Variants in SLITRK4 observed in about 807,000 individuals in gnomAD.
The protein encoded by SLITRK4 is SLIT and NTRK like family member 4, also known as SLIT and NTRK-like protein 4.
A neutral mutation model predicts 34.7 loss-of-function variants in SLITRK4; 7 were observed. The observed-to-expected ratio is 0.20, with a 90% CI of 0.11 to 0.38. The LOEUF is 0.38. Among genes scored for constraint, SLITRK4 ranks in the 10% least tolerant of loss-of-function variants. The probability of loss-of-function intolerance (pLI) is 1.00; values close to 1 mark genes in which losing one functional copy is unlikely to be tolerated. For missense variants in SLITRK4, 474 were observed against 607.0 expected (o/e 0.78, Z 2.30); for synonymous variants, 237 against 246.2 (o/e 0.96, Z 0.35).
rs1436041699 is a variant in SLITRK4 at position 143,626,690 on chromosome X, A to G, written c.*1905T>C. 2 of 108,666 alleles carry G rather than the reference A, an allele frequency of 1.8e-5. No homozygotes were observed. The highest frequency in any genetic ancestry group is 3.8e-5 in the Non-Finnish European group (2 of 52,283). The allele number at this position is 108,666 out of a possible 1,213,427, so 9.0% of individuals were successfully genotyped here. A position where few individuals can be genotyped will look rare whatever the true frequency, so the allele number is the denominator to read the frequency against. ...GAAGCTGCAACAGAAAAAATATGCC[A>G]CTTGCAATCATGAGGAATGGCTATG... On this transcript the variant is annotated 3_prime_UTR_variant, in exon 2 of 2. Coordinates refer to ENST00000356928, the MANE Select transcript of SLITRK4 (RefSeq NM_001184749.3).
rs1930714465 is a variant in SLITRK4, at chrX:143,624,219, A to C, written c.*4376T>G. On this transcript the variant is annotated 3_prime_UTR_variant, in exon 2 of 2. Coordinates refer to ENST00000356928, the MANE Select transcript of SLITRK4 (RefSeq NM_001184749.3). ...TAGTTCATTTTCCACAACAGTAATA[A>C]TTTGGGTAAAGTCATGGATTGATAA... 8.9e-6 allele frequency: 1 copy of C among 111,793 alleles called. No homozygotes were observed. Among genetic ancestry groups the C allele is most frequent in the African/African-American group, 3.2e-5 (1 of 30,889 alleles). The allele number at this position is 111,793 out of a possible 1,213,427, so 9.2% of individuals were successfully genotyped here.
chrX:143,631,083 A>G lies in SLITRK4; in HGVS notation c.26T>C (p.Leu9Ser). 8.5e-7 allele frequency: 1 copy of G among 1,176,914 alleles called. No homozygotes were observed. Among genetic ancestry groups the G allele is most frequent in the Non-Finnish European group, 1.1e-6 (1 of 880,131 alleles). MFLWLFLI[L>S]SALISSTNAD... is the part of the protein sequence containing the mutation. ...ATTTGTCGAAGAAATCAGGGCTGAC[A>G]AAATCAGAAACAGCCACAGAAACAT... Residue 9 changes from leucine to serine, a missense_variant, in exon 2 of 2, where the codon TTG becomes TCG. Physicochemically the swap from Leu to Ser is moderately radical, Grantham distance 145 (BLOSUM62 -2). Coordinates refer to ENST00000356928, the MANE Select transcript of SLITRK4 (RefSeq NM_001184749.3).
At position 143,630,593 on chromosome X, in the gene SLITRK4, A is replaced by G. The variant is rs782001836; in HGVS notation, c.516T>C (p.Asp172=). ...LNDNLISFLP[D]NIFRFASLTH... is the part of the protein sequence containing the mutation. ...TCAAAGATGCGAATCGGAAAATATT[A>G]TCAGGAAGGAATGAAATCAGATTGT... The change falls in exon 2 of 2, where the codon GAT becomes GAC. Residue 172 remains aspartate, a synonymous_variant. Transcript: ENST00000356928. 2.1e-5 allele frequency: 25 copies of G among 1,209,940 alleles called. No individual in the cohort carries two copies. The highest frequency in any genetic ancestry group is 2.3e-4 in the Middle Eastern group (1 of 4,353).
chrX:143,628,332 C>G lies in SLITRK4; in HGVS notation c.*263G>C. 1 of 316,795 alleles carries G rather than the reference C, an allele frequency of 3.2e-6. No homozygotes were observed. Among genetic ancestry groups the G allele is most frequent in the Admixed American group, 5.5e-5 (1 of 18,230 alleles). The allele number at this position is 316,795 out of a possible 1,213,427, so 26.1% of individuals were successfully genotyped here. A position where few individuals can be genotyped will look rare whatever the true frequency, so the allele number is the denominator to read the frequency against. On this transcript the variant is annotated 3_prime_UTR_variant, in exon 2 of 2. Coordinates refer to ENST00000356928, the MANE Select transcript of SLITRK4 (RefSeq NM_001184749.3). The stretch of plus-strand genomic sequence containing the variant: ...CAGATTTGCCTCTTGAGGTTAAATT[C>G]AGTATTATGTGTATAAAGCATCCCT...
At position 143,623,354 on chromosome X, in the gene SLITRK4, C is replaced by T. The variant is rs1930688820; in HGVS notation, c.*5241G>A. Reference sequence around the variant, plus strand: ...TTAATGAGAAGCTTGAATCTTTATTCTCAATAGCAATTATTTGGTCTAAAA... The same window carrying T: ...TTAATGAGAAGCTTGAATCTTTATTTTCAATAGCAATTATTTGGTCTAAAA... On this transcript the variant is annotated 3_prime_UTR_variant, in exon 2 of 2. Transcript: ENST00000356928. 1.8e-5 allele frequency: 2 copies of T among 110,204 alleles called. No homozygotes were observed. Among genetic ancestry groups the T allele is most frequent in the African/African-American group, 6.6e-5 (2 of 30,343 alleles). The allele number at this position is 110,204 out of a possible 1,213,427, so 9.1% of individuals were successfully genotyped here.
At position 143,624,972 on chromosome X, in the gene SLITRK4, T is replaced by G. The variant is rs930199432; in HGVS notation, c.*3623A>C. On this transcript the variant is annotated 3_prime_UTR_variant, in exon 2 of 2. Coordinates refer to ENST00000356928, the MANE Select transcript of SLITRK4 (RefSeq NM_001184749.3). ...ATAAATACATTCTTAATATAGTTTC[T>G]CCCCAACTCTTTGGATGCGACAGTA... 6 of 111,068 alleles carry G rather than the reference T, an allele frequency of 5.4e-5. No individual in the cohort carries two copies. Among genetic ancestry groups the G allele is most frequent in the Admixed American group, 9.6e-5 (1 of 10,424 alleles). The allele number at this position is 111,068 out of a possible 1,213,427, so 9.2% of individuals were successfully genotyped here.
rs1303453214 is a variant in SLITRK4, at chrX:143,623,941, A to G, written c.*4654T>C. ...ACTCATAAATAAATAAAATAACACA[A>G]TCCTACGGTGTATCTCCTCAGATGC... On this transcript the variant is annotated 3_prime_UTR_variant, in exon 2 of 2. Coordinates refer to ENST00000356928, the MANE Select transcript of SLITRK4 (RefSeq NM_001184749.3). The G allele has an allele frequency of 1.8e-5, 2 of 111,903 alleles. No homozygotes were observed. The highest frequency in any genetic ancestry group is 2.8e-4 in the East Asian group (1 of 3,572). 9.2% of individuals were successfully genotyped at this position (111,903 alleles called of 1,213,427 possible). A position where few individuals can be genotyped will look rare whatever the true frequency, so the allele number is the denominator to read the frequency against.
Position 143,630,656 on chromosome X carries a change from G to A in SLITRK4, c.453C>T (p.Phe151=). The change falls in exon 2 of 2, where the codon TTC becomes TTT. Residue 151 remains phenylalanine, a synonymous_variant. Transcript: ENST00000356928. ...NLIKYIERGA[F]NKLHKLKVLI... Reference sequence around the variant, plus strand: ...GAACTTTCAGTTTGTGGAGCTTATTGAAGGCTCCTCGTTCAATATACTTGA... The same window carrying A: ...GAACTTTCAGTTTGTGGAGCTTATTAAAGGCTCCTCGTTCAATATACTTGA... 1.7e-6 allele frequency: 2 copies of A among 1,211,163 alleles called. No homozygotes were observed. The highest frequency in any genetic ancestry group is 2.2e-6 in the Non-Finnish European group (2 of 895,021).
Position 143,630,650 on chromosome X carries a change from C to T in SLITRK4, c.459G>A (p.Lys153=), listed in dbSNP as rs1219844886. The T allele has an allele frequency of 8.3e-7, 1 of 1,209,442 alleles. No individual in the cohort carries two copies. The highest frequency in any genetic ancestry group is 1.1e-6 in the Non-Finnish European group (1 of 894,865). The change falls in exon 2 of 2, where the codon AAG becomes AAA. Residue 153 remains lysine (K), a synonymous_variant. Coordinates refer to ENST00000356928, the MANE Select transcript of SLITRK4 (RefSeq NM_001184749.3). ...IKYIERGAFN[K]LHKLKVLILN... ...GAATGAGAACTTTCAGTTTGTGGAG[C>T]TTATTGAAGGCTCCTCGTTCAATAT...
chrX:143,624,990 C>T lies in SLITRK4; in HGVS notation c.*3605G>A, dbSNP rs1930738800. The T allele has an allele frequency of 9.0e-6, 1 of 110,504 alleles. No homozygotes were observed. Among genetic ancestry groups the T allele is most frequent in the South Asian group, 3.8e-4 (1 of 2,656 alleles). 9.1% of individuals were successfully genotyped at this position (110,504 alleles called of 1,213,427 possible). On this transcript the variant is annotated 3_prime_UTR_variant, in exon 2 of 2. Coordinates refer to ENST00000356928, the MANE Select transcript of SLITRK4 (RefSeq NM_001184749.3). ...TAGTTTCTCCCCAACTCTTTGGATGCGACAGTAACAACAAAAAAACCTCAG... is the reference window on the plus strand; with the variant it reads ...TAGTTTCTCCCCAACTCTTTGGATGTGACAGTAACAACAAAAAAACCTCAG...
chrX:143,628,383 C>A lies in SLITRK4; in HGVS notation c.*212G>T. On this transcript the variant is annotated 3_prime_UTR_variant, in exon 2 of 2. Coordinates refer to ENST00000356928, the MANE Select transcript of SLITRK4 (RefSeq NM_001184749.3). ...TTGGCAATAGAGTTTGCAGTATCCC[C>A]ACAGGACTCCACAGTATAGGTTTTA... 2.6e-6 allele frequency: 1 copy of A among 385,494 alleles called. No homozygotes were observed. Among genetic ancestry groups the A allele is most frequent in the South Asian group, 6.6e-5 (1 of 15,264 alleles). 31.8% of individuals were successfully genotyped at this position (385,494 alleles called of 1,213,427 possible).
chrX:143,629,826 C>A lies in SLITRK4; in HGVS notation c.1283G>T (p.Arg428Leu). Residue 428 changes from arginine to leucine, a missense_variant, in exon 2 of 2, where the codon CGC becomes CTC. Physicochemically the swap from Arg to Leu is moderately radical, Grantham distance 102. This residue lies in a region of SLITRK4 where 345 missense variants were observed against 406.5 expected (regional missense o/e 0.85). Coordinates refer to ENST00000356928, the MANE Select transcript of SLITRK4 (RefSeq NM_001184749.3). ...GDVFHNLTNL[R>L]RLYLNGNQIE... Reference sequence around the variant, plus strand: ...TTGATTGCCATTGAGATATAGCCTGCGTAAATTAGTGAGATTGTGAAATAC... The same window carrying A: ...TTGATTGCCATTGAGATATAGCCTGAGTAAATTAGTGAGATTGTGAAATAC... The A allele has an allele frequency of 8.3e-7, 1 of 1,209,701 alleles. No individual in the cohort carries two copies.
intron 1 of SLITRK4, among the ~76,000 whole-genome samples, chrX:143,633,857 C>G (rs781906422): frequency 7.7e-4 from 87 of 112,777 alleles, no homozygotes; most frequent in African/African-American, 2.6e-3. Context: ...TTTGCCGCAT[C>G]CCTGTTCCCG....
intron 1 of SLITRK4, among the ~76,000 whole-genome samples, chrX:143,633,269 A>G (rs986737741): frequency 1.8e-5 from 2 of 110,529 alleles, no homozygotes; most frequent in South Asian, 3.9e-4. Flanking sequence ...AGGTACTGAA[A>G]GGGCAAGAGA....
rs1556425227 is a variant in SLITRK4, at chrX:143,625,174, T to C, written c.*3421A>G. The C allele has an allele frequency of 9.0e-6, 1 of 111,224 alleles. No individual in the cohort carries two copies. Among genetic ancestry groups the C allele is most frequent in the African/African-American group, 3.3e-5 (1 of 30,728 alleles). The allele number at this position is 111,224 out of a possible 1,213,427, so 9.2% of individuals were successfully genotyped here. ...TGTATAATTTATGCATCCTTATGGC[T>C]TAAAGAAAAGTAAATGTTTAAAAAA... On this transcript the variant is annotated 3_prime_UTR_variant, in exon 2 of 2. Coordinates refer to ENST00000356928, the MANE Select transcript of SLITRK4 (RefSeq NM_001184749.3).
Position 143,629,649 on chromosome X carries a change from C to G in SLITRK4, c.1460G>C (p.Ser487Thr). 1 of 1,211,568 alleles carries G rather than the reference C, an allele frequency of 8.3e-7. No individual in the cohort carries two copies. Among genetic ancestry groups the G allele is most frequent in the South Asian group, 1.8e-5 (1 of 56,952 alleles). Reference protein sequence around the residue: ...LLYLNNNLLKSLPVYIFSGAP... With the variant: ...LLYLNNNLLKTLPVYIFSGAP... ...TCCGGAAAAGATGTAAACAGGCAGGCTCTTTAGGAGATTATTGTTTAAGTA... is the reference window on the plus strand; with the variant it reads ...TCCGGAAAAGATGTAAACAGGCAGGGTCTTTAGGAGATTATTGTTTAAGTA... Residue 487 changes from serine to threonine, a missense_variant, in exon 2 of 2, where the codon AGC becomes ACC. Physicochemically the swap from Ser to Thr is moderately conservative, Grantham distance 58. Transcript: ENST00000356928.
Position 143,625,384 on chromosome X carries a change from A to G in SLITRK4, c.*3211T>C, listed in dbSNP as rs1302481278. 3.6e-5 allele frequency: 4 copies of G among 111,473 alleles called. No individual in the cohort carries two copies. The highest frequency in any genetic ancestry group is 1.3e-4 in the African/African-American group (4 of 30,826). The allele number at this position is 111,473 out of a possible 1,213,427, so 9.2% of individuals were successfully genotyped here. ...TTAAAGAATTGAATCATCTTTATTG[A>G]TTTCATAAAAAAATAATTTAAAACT... is the stretch of plus-strand genomic sequence containing the variant. On this transcript the variant is annotated 3_prime_UTR_variant, in exon 2 of 2. Transcript: ENST00000356928.
rs1479988144 is a variant in SLITRK4 at position 143,626,492 on chromosome X, A to T, written c.*2103T>A. Reference sequence around the variant, plus strand: ...AAAGATTTCCAAATTATCTATATGTATGAATATATACCCACATATATATAT... The same window carrying T: ...AAAGATTTCCAAATTATCTATATGTTTGAATATATACCCACATATATATAT... On this transcript the variant is annotated 3_prime_UTR_variant, in exon 2 of 2. Transcript: ENST00000356928. 1 of 107,759 alleles carries T rather than the reference A, an allele frequency of 9.3e-6. No homozygotes were observed. Among genetic ancestry groups the T allele is most frequent in the Non-Finnish European group, 1.9e-5 (1 of 51,866 alleles). The allele number at this position is 107,759 out of a possible 1,213,427, so 8.9% of individuals were successfully genotyped here.
rs1425511571 is a variant in SLITRK4, at chrX:143,625,412, A to T, written c.*3183T>A. 2 of 111,520 alleles carry T rather than the reference A, an allele frequency of 1.8e-5. No individual in the cohort carries two copies. Among genetic ancestry groups the T allele is most frequent in the African/African-American group, 3.2e-5 (1 of 30,832 alleles). 9.2% of individuals were successfully genotyped at this position (111,520 alleles called of 1,213,427 possible). ...TCATAAAAAAATAATTTAAAACTTG[A>T]TTTATATTACATGGACACAATATAT... On this transcript the variant is annotated 3_prime_UTR_variant, in exon 2 of 2. Transcript: ENST00000356928.
Sources: allele counts gnomAD v4.1 joint callset (sites outside exome capture counted in the v4.1 genomes callset), GRCh38; gene constraint gnomAD v4.1.1; regional missense constraint gnomAD v4.1.1; transcripts MANE v1.5; gene names NCBI Gene and HGNC (gene_info 2026-07-23, HGNC 2026-07-21).